TMCO4: variants seen among roughly 807,000 people sequenced by gnomAD.
TMCO4 encodes transmembrane and coiled-coil domain-containing protein 4.
TMCO4 carries 58 observed loss-of-function variants against 64.7 expected under a neutral mutation model. The observed-to-expected ratio is 0.90, with a 90% CI of 0.73 to 1.12. The LOEUF is 1.12. TMCO4 is among the 50% of genes most tolerant of loss of function. TMCO4 has a pLI of 0.00. For synonymous variants in TMCO4, 325 were observed against 346.1 expected (o/e 0.94, Z 0.68); for missense variants, 780 against 825.9 (o/e 0.94, Z 0.68).
chr1:19,683,031 C>G lies in TMCO4; in HGVS notation c.*9G>C, dbSNP rs770593164. The G allele has an allele frequency of 2.2e-5, 34 of 1,548,522 alleles. 1 individual carries two copies. The Middle Eastern group carries it at 1.9e-3, about 87-fold the overall frequency. ...GACTGGGGAAGACGGCTCAGGTCCC[C>G]TGCTGTGGTCAGTCCAGCCCCGTGC... On this transcript the variant is annotated 3_prime_UTR_variant, in exon 16 of 16. Coordinates refer to ENST00000294543, the MANE Select transcript of TMCO4 (RefSeq NM_181719.7).
chr1:19,682,886 T>C lies in TMCO4; in HGVS notation c.*154A>G. 8.8e-7 allele frequency: 1 copy of C among 1,133,258 alleles called. No individual in the cohort carries two copies. The highest frequency in any genetic ancestry group is 1.3e-6 in the Non-Finnish European group (1 of 786,002). 70.2% of individuals were successfully genotyped at this position (1,133,258 alleles called of 1,614,324 possible). The stretch of plus-strand genomic sequence containing the variant: ...GTTCTCTCCTCCAAATTCCCCTTCC[T>C]TCCATTTCCTTTCCCTTTCAGTTCC... On this transcript the variant is annotated 3_prime_UTR_variant, in exon 16 of 16. Transcript: ENST00000294543.
chr1:19,744,856 A>G (rs1379834487), intron 10 of TMCO4, among the ~76,000 whole-genome samples: 2 of 152,152 alleles, frequency 1.3e-5, no homozygotes, highest in East Asian at 1.9e-4. Flanking sequence ...TCTGTCTTCT[A>G]TCTTGGGCTG....
intron 6 of TMCO4, among the ~76,000 whole-genome samples, chr1:19,760,997 C>A (rs988162602): frequency 6.6e-6 from 1 of 152,216 alleles, no homozygotes; most frequent in Non-Finnish European, 1.5e-5. Flanking sequence ...CTGGAAGCTT[C>A]ATTTATCACC....
chr1:19,763,227 C>A (rs1482992108), intron 6 of TMCO4, among the ~76,000 whole-genome samples: 1 of 152,098 alleles, frequency 6.6e-6, no homozygotes, highest in East Asian at 1.9e-4. Context: ...AGGTACCCAC[C>A]ACCATGCCTG....
At position 19,745,524 on chromosome 1, in the gene TMCO4, G is replaced by T; in HGVS notation, c.877+8C>A. 2 of 1,614,064 alleles carry T rather than the reference G, an allele frequency of 1.2e-6. No individual in the cohort carries two copies. The highest frequency in any genetic ancestry group is 1.7e-6 in the Non-Finnish European group (2 of 1,180,004). On this transcript the variant is annotated splice_region_variant and intron_variant, in intron 10 of 15. Coordinates refer to ENST00000294543, the MANE Select transcript of TMCO4 (RefSeq NM_181719.7). ...CCCCCCTCCACTTCTGGTCCTCCTG[G>T]TCCTCACGGTATTTGCCAGAAGCGA...
intron 13 of TMCO4, among the ~76,000 whole-genome samples, chr1:19,723,805 C>T (rs2095396721): frequency 6.6e-6 from 1 of 151,922 alleles, no homozygotes; most frequent in Admixed American, 6.6e-5. Flanking sequence ...GGGCTGGTGG[C>T]CAATCTGTGA....
intron 13 of TMCO4, among the ~76,000 whole-genome samples, chr1:19,725,854 C>T (rs774114415): frequency 3.0e-4 from 46 of 152,298 alleles, no homozygotes; most frequent in Non-Finnish European, 4.1e-4. Context: ...TGGAGCGGGC[C>T]GAGCACAGCG....
chr1:19,737,019 G>T (rs1380346562), intron 13 of TMCO4, among the ~76,000 whole-genome samples: 1 of 152,150 alleles, frequency 6.6e-6, no homozygotes, highest in Non-Finnish European at 1.5e-5. Context: ...AGTTGGAAGA[G>T]ACAGGAAAAA....
intron 13 of TMCO4, among the ~76,000 whole-genome samples, chr1:19,715,488 C>A (rs759831824): frequency 5.3e-4 from 80 of 152,138 alleles, no homozygotes; most frequent in Non-Finnish European, 1.1e-3. Context: ...CCTGTCACAG[C>A]GAGTATCTGA....
intron 4 of TMCO4, among the ~76,000 whole-genome samples, chr1:19,779,986 T>G (rs2043385581): frequency 6.6e-6 from 1 of 152,118 alleles, no homozygotes; most frequent in Non-Finnish European, 1.5e-5. Context: ...GATTGTGAGT[T>G]CCTTAGAGCA....
At position 19,788,508 on chromosome 1, in the gene TMCO4, A is replaced by T. The variant is rs571143960; in HGVS notation, c.-100-1391T>A. Among the ~76,000 whole-genome samples the T allele has an allele frequency of 6.9e-3, 1,047 of 152,278 alleles. 7 individuals carry two copies. The highest frequency in any genetic ancestry group is 0.011 in the Non-Finnish European group (715 of 68,024). On this transcript the variant is annotated intron_variant, in intron 2 of 15. Coordinates refer to ENST00000294543, the MANE Select transcript of TMCO4 (RefSeq NM_181719.7). ...TTCTGGATGATTTTAATTTTTTTAT[A>T]TATCTGTGTTTTATGAATTATTAAC... is the stretch of plus-strand genomic sequence containing the variant.
intron 15 of TMCO4, among the ~76,000 whole-genome samples, chr1:19,692,814 A>G (rs756226817): frequency 6.6e-6 from 1 of 152,084 alleles, no homozygotes; most frequent in Non-Finnish European, 1.5e-5. Flanking sequence ...GAGTGTCCAC[A>G]TGGGAAGCTA....
chr1:19,714,568 C>T, intron 13 of TMCO4, among the ~76,000 whole-genome samples: 1 of 152,162 alleles, frequency 6.6e-6, no homozygotes, highest in Non-Finnish European at 1.5e-5. Flanking sequence ...GCTACTCATA[C>T]ATGGGAATCT....
intron 13 of TMCO4, among the ~76,000 whole-genome samples, chr1:19,729,086 A>G (rs1225356154): frequency 3.9e-5 from 6 of 152,216 alleles, no homozygotes; most frequent in African/African-American, 1.4e-4. Context: ...ACTAGGTACA[A>G]GTAGTCAGAA....
At position 19,700,571 on chromosome 1, in the gene TMCO4, A is replaced by G. The variant is rs2095265128; in HGVS notation, c.1382+197T>C. ...CTCAGAATCCACCCTTCTGTCCATC[A>G]TGCTACTGGAGGGCCGCTTCCCAGA... On this transcript the variant is annotated intron_variant, in intron 14 of 15. Coordinates refer to ENST00000294543, the MANE Select transcript of TMCO4 (RefSeq NM_181719.7). 2.0e-5 allele frequency among the ~76,000 whole-genome samples: 3 copies of G among 152,048 alleles called. No homozygotes were observed. In the South Asian group the frequency reaches 6.2e-4, roughly 32 times the overall value.
rs1237067797 is a variant in TMCO4 at position 19,732,804 on chromosome 1, G to A, written c.1264+4568C>T. On this transcript the variant is annotated intron_variant, in intron 13 of 15. Transcript: ENST00000294543. This position sits in a 1 kb window ranked among gnomAD's most constrained non-coding sequence, Gnocchi z 4.8. ...AGGTGACTACAGGGGGAAAATGCCA[G>A]CTGCACTTTTGTCCACCGGGTTCAT... Among the ~76,000 whole-genome samples the A allele has an allele frequency of 2.0e-5, 3 of 152,150 alleles. No homozygotes were observed. Among genetic ancestry groups the A allele is most frequent in the African/African-American group, 4.8e-5 (2 of 41,434 alleles).
chr1:19,728,411 A>G (rs2095417269), intron 13 of TMCO4, among the ~76,000 whole-genome samples: 2 of 152,282 alleles, frequency 1.3e-5, no homozygotes, highest in East Asian at 1.9e-4. Flanking sequence ...GCCTTCATAG[A>G]TGGTGGCTAT....
At position 19,740,873 on chromosome 1, in the gene TMCO4, T is replaced by C. The variant is rs2100846100; in HGVS notation, c.946A>G (p.Lys316Glu). Residue 316 changes from lysine (K) to glutamate (E), a missense_variant, in exon 11 of 16, where the codon AAG becomes GAG. By Grantham distance (56) the Lys-to-Glu change is moderately conservative. Coordinates refer to ENST00000294543, the MANE Select transcript of TMCO4 (RefSeq NM_181719.7). ...REQYCLAWEA[K>E]YLMELGNALE... ...GCATTGCCGAGCTCCATCAGGTACT[T>C]GGCTTCCCAGGCCAGGCAGTACTGC... The C allele has an allele frequency of 6.2e-7, 1 of 1,614,088 alleles. No homozygotes were observed. The highest frequency in any genetic ancestry group is 2.2e-5 in the East Asian group (1 of 44,884).
chr1:19,736,043 G>T (rs896217486), intron 13 of TMCO4, among the ~76,000 whole-genome samples: 1 of 152,294 alleles, frequency 6.6e-6, no homozygotes. Context: ...GACTACAACT[G>T]CATGACTAAG....
Sources: allele counts gnomAD v4.1 joint callset (sites outside exome capture counted in the v4.1 genomes callset), GRCh38; gene constraint gnomAD v4.1.1; non-coding constraint Gnocchi (gnomAD v3.1); transcripts MANE v1.5; gene names NCBI Gene and HGNC (gene_info 2026-07-23, HGNC 2026-07-21).